Variants in ZFHX3 observed in about 807,000 individuals in gnomAD.
ZFHX3 encodes zinc finger homeobox protein 3.
In ZFHX3, 42 loss-of-function variants were observed where a neutral mutation model predicts 279.1. That is an observed-to-expected ratio of 0.15 (90% CI 0.12 to 0.19). ZFHX3 has a LOEUF of 0.19. Ranked by LOEUF, ZFHX3 falls within the 10% of genes least tolerant of loss-of-function variation. The pLI is 1.00. For synonymous variants in ZFHX3, 2,293 were observed against 1,957.8 expected (o/e 1.17, Z -4.52); for missense variants, 4,981 against 4,754.0 (o/e 1.05, Z -1.40).
At chr16:73,785,439 C>G (rs1414621661) in intron 1 of ZFHX3, among the ~76,000 whole-genome samples, 1 of 151,668 alleles carries the variant, frequency 6.6e-6, no homozygotes, top group Non-Finnish European at 1.5e-5. Flanking sequence ...ATATCTAGAG[C>G]TCTAGTCTTA....
chr16:73,577,693 C>T (rs1386724505), intron 2 of ZFHX3, among the ~76,000 whole-genome samples: 1 of 152,122 alleles, frequency 6.6e-6, no homozygotes, highest in African/African-American at 2.4e-5. Context: ...TTTTAAAATT[C>T]TGAACTTATC....
chr16:73,465,480 G>T (rs1038046099), intron 2 of ZFHX3, among the ~76,000 whole-genome samples: 4 of 152,048 alleles, frequency 2.6e-5, no homozygotes, highest in Non-Finnish European at 5.9e-5. Context: ...TGCCTCTGAG[G>T]TCTCACTGGA....
chr16:72,949,263 A>G (rs373313296), intron 3 of ZFHX3, among the ~76,000 whole-genome samples: 1 of 152,218 alleles, frequency 6.6e-6, no homozygotes, highest in African/African-American at 2.4e-5. Flanking sequence ...GCTCGGGGCC[A>G]GCAGAAACCA....
At chr16:73,465,068 C>A (rs947189811) in intron 2 of ZFHX3, among the ~76,000 whole-genome samples, 4 of 152,198 alleles carry the variant, frequency 2.6e-5, no homozygotes, top group Non-Finnish European at 5.9e-5. Context: ...CACCGGCCAG[C>A]TGCTCTTGCT....
chr16:73,199,646 AAGAT>A (rs1968227167), intron 5 of ZFHX3, among the ~76,000 whole-genome samples: 1 of 152,242 alleles, frequency 6.6e-6, no homozygotes. Flanking sequence ...ACCTCAAGGT[AAGAT>A]CACTGAGTCC....
chr16:73,165,321 T>C (rs1001278010), intron 5 of ZFHX3, among the ~76,000 whole-genome samples: 2 of 152,002 alleles, frequency 1.3e-5, no homozygotes, highest in Non-Finnish European at 2.9e-5. Flanking sequence ...GCGCAGAAAA[T>C]GTTTCAACAG....
At chr16:73,588,347 C>A (rs2051949275) in intron 2 of ZFHX3, among the ~76,000 whole-genome samples, 1 of 151,908 alleles carries the variant, frequency 6.6e-6, no homozygotes, top group South Asian at 2.1e-4. Flanking sequence ...TATAGTATGT[C>A]CAAAAAGCTT....
intron 1 of ZFHX3, among the ~76,000 whole-genome samples, chr16:72,988,912 A>T (rs1307627339): frequency 6.6e-6 from 1 of 152,230 alleles, no homozygotes; most frequent in Non-Finnish European, 1.5e-5. Flanking sequence ...CACAGAGATC[A>T]CACTTACAAT....
At chr16:73,386,811 A>C (rs2016910895) in intron 3 of ZFHX3, 1 of 151,666 alleles carries the variant, frequency 6.6e-6, no homozygotes, top group Admixed American at 6.6e-5. Flanking sequence ...GGCTGTCATC[A>C]CTGAATTCTG....
intron 1 of ZFHX3, among the ~76,000 whole-genome samples, chr16:73,732,034 CTATAATT>C (rs2053573809): frequency 6.6e-6 from 1 of 152,168 alleles, no homozygotes; most frequent in South Asian, 2.1e-4. Flanking sequence ...GTAGCAAACG[CTATAATT>C]TTGAAATTAC....
chr16:73,086,249 C>T (rs1327866366), intron 8 of ZFHX3, among the ~76,000 whole-genome samples: 1 of 152,094 alleles, frequency 6.6e-6, no homozygotes, highest in Non-Finnish European at 1.5e-5. Context: ...GGGGAACCCA[C>T]GTGCACTGTT....
At chr16:73,871,330 A>T (rs1013062968) in intron 1 of ZFHX3, among the ~76,000 whole-genome samples, 12 of 152,180 alleles carry the variant, frequency 7.9e-5, no homozygotes, top group Non-Finnish European at 1.8e-4. Context: ...GATATATTTT[A>T]AACCGCCTGT....
At chr16:72,979,156 T>C (rs1434141638) in intron 1 of ZFHX3, among the ~76,000 whole-genome samples, 4 of 152,332 alleles carry the variant, frequency 2.6e-5, no homozygotes, top group African/African-American at 9.6e-5. Context: ...TTTACAGATG[T>C]AGCAGATGAT....
intron 1 of ZFHX3, chr16:73,014,942 C>T (rs1964047142): frequency 6.6e-6 from 1 of 152,038 alleles, no homozygotes; most frequent in Non-Finnish European, 1.5e-5. Context: ...TTCACACTAC[C>T]CTCCTTCTCC....
chr16:73,487,181 G>A (rs1244590946), intron 2 of ZFHX3, among the ~76,000 whole-genome samples: 1 of 152,216 alleles, frequency 6.6e-6, no homozygotes, highest in African/African-American at 2.4e-5. Context: ...GAGTGCTAGG[G>A]CAGAGGATTC....
Position 72,795,872 on chromosome 16 carries a change from A to G in ZFHX3, c.6810T>C (p.Asp2270=), listed in dbSNP as rs1459118725. 6.2e-7 allele frequency: 1 copy of G among 1,614,062 alleles called. No individual in the cohort carries two copies. Among genetic ancestry groups the G allele is most frequent in the Non-Finnish European group, 8.5e-7 (1 of 1,180,024 alleles). ...GTAAATTAGAGAGTTGCTCAAATTCATCATCCTTTGGGTAAGCATTGGCAT... is the reference window on the plus strand; with the variant it reads ...GTAAATTAGAGAGTTGCTCAAATTCGTCATCCTTTGGGTAAGCATTGGCAT... ...FFDANAYPKD[D]EFEQLSNLLN... Residue 2270 remains aspartate (D), a synonymous_variant, in exon 9 of 10, where the codon GAT becomes GAC. Coordinates refer to ENST00000268489, the MANE Select transcript of ZFHX3 (RefSeq NM_006885.4).
chr16:73,239,461 A>G (rs1489329012), intron 5 of ZFHX3, among the ~76,000 whole-genome samples: 1 of 152,180 alleles, frequency 6.6e-6, no homozygotes, highest in African/African-American at 2.4e-5. Flanking sequence ...CTGTTTCCCT[A>G]TGTTATGCCT....
At chr16:73,709,906 G>C (rs1033870166) in intron 1 of ZFHX3, among the ~76,000 whole-genome samples, 2 of 152,158 alleles carry the variant, frequency 1.3e-5, no homozygotes, top group Non-Finnish European at 2.9e-5. Context: ...TTTTGGCCGG[G>C]CGTGGTGGCT....
At chr16:73,821,906 A>G (rs1032167641) in intron 1 of ZFHX3, among the ~76,000 whole-genome samples, 1 of 152,206 alleles carries the variant, frequency 6.6e-6, no homozygotes, top group African/African-American at 2.4e-5. Context: ...ATAGCCTAAC[A>G]GCATGTTAGA....
Sources: gnomAD v4.1 joint callset for allele counts (sites outside exome capture counted in the v4.1 genomes callset) on GRCh38, gnomAD v4.1.1 for gene constraint, MANE v1.5 for transcripts, NCBI Gene and HGNC (gene_info 2026-07-23, HGNC 2026-07-21) for gene names.